TMEM132D: variants seen among roughly 807,000 people sequenced by gnomAD.
TMEM132D encodes mature OL transmembrane protein.
In TMEM132D, 21 loss-of-function variants were observed where a neutral mutation model predicts 62.3. That is an observed-to-expected ratio of 0.34 (90% CI 0.24 to 0.49). The LOEUF is 0.49. Ranked by LOEUF, TMEM132D falls within the 20% of genes least tolerant of loss-of-function variation. The pLI, the probability that TMEM132D is intolerant of heterozygous loss-of-function variation, is 0.99. For synonymous variants in TMEM132D, 621 were observed against 575.6 expected, an observed-to-expected ratio of 1.08 and a Z score of -1.13; for missense variants, 1,346 against 1,402.8, an observed-to-expected ratio of 0.96 and a Z score of 0.65.
At chr12:129,318,810 G>C (rs1868575851) in intron 4 of TMEM132D, among the ~76,000 whole-genome samples, 6 of 152,082 alleles carry the variant, frequency 3.9e-5, no homozygotes, top group Admixed American at 3.9e-4. Context: ...TGCTGCTATG[G>C]GGGATGGAGG....
chr12:129,363,062 T>C (rs1230989526), intron 3 of TMEM132D, among the ~76,000 whole-genome samples: 1 of 152,222 alleles, frequency 6.6e-6, no homozygotes, highest in Non-Finnish European at 1.5e-5. Flanking sequence ...CATCTTTGTT[T>C]ATTGTGTTAG....
intron 4 of TMEM132D, among the ~76,000 whole-genome samples, chr12:129,225,956 G>A (rs1312058402): frequency 2.0e-5 from 3 of 152,136 alleles, no homozygotes; most frequent in Non-Finnish European, 2.9e-5. Flanking sequence ...CAGGATCCCT[G>A]AGCACAAGCC....
In TMEM132D at chr12:129,539,792, G is replaced by A. The variant is rs75748716; in HGVS notation, c.969-8587C>T. On this transcript the variant is annotated intron_variant, in intron 2 of 8. Transcript: ENST00000422113. ...GATACTACTGTATATTAAACATGCT[G>A]CTTTGATCACAGATCACCCTGGTCT... Among the ~76,000 whole-genome samples the A allele has an allele frequency of 1.6e-3, 250 of 152,240 alleles. 1 individual carries two copies. Among genetic ancestry groups the A allele is most frequent in the African/African-American group, 5.6e-3 (231 of 41,550 alleles).
chr12:129,143,115 T>A (rs985495347), intron 5 of TMEM132D, among the ~76,000 whole-genome samples: 1 of 152,116 alleles, frequency 6.6e-6, no homozygotes, highest in African/African-American at 2.4e-5. Context: ...GGTTGAGGGC[T>A]CAGTCCCATA....
intron 1 of TMEM132D, among the ~76,000 whole-genome samples, chr12:129,749,463 C>CTTTTTT (rs67597510): frequency 7.0e-6 from 1 of 143,346 alleles, no homozygotes. Context: ...TGAAAAGAAT[C>CTTTTTT]TTTTTTTTTT....
At chr12:129,358,474 C>T (rs1011261274) in intron 3 of TMEM132D, among the ~76,000 whole-genome samples, 5 of 152,092 alleles carry the variant, frequency 3.3e-5, no homozygotes, top group African/African-American at 7.2e-5. Context: ...AAATTGGCCA[C>T]GGTGGAGTAT....
In TMEM132D at chr12:129,456,371, A is replaced by G. The variant is rs190155985; in HGVS notation, c.1115+74688T>C. 4.6e-5 allele frequency among the ~76,000 whole-genome samples: 7 copies of G among 152,214 alleles called. 1 individual carries two copies. Among genetic ancestry groups the G allele is most frequent in the Admixed American group, 2.6e-4 (4 of 15,284 alleles). ...TAATCCAGTGACCATGGCTGAGGAG[A>G]GAGAACAGATGGAAGTTGAGTCTCT... On this transcript the variant is annotated intron_variant, in intron 3 of 8. Coordinates refer to ENST00000422113, the MANE Select transcript of TMEM132D (RefSeq NM_133448.3).
chr12:129,268,779 C>T (rs1051555188), intron 4 of TMEM132D, among the ~76,000 whole-genome samples: 1 of 151,956 alleles, frequency 6.6e-6, no homozygotes, highest in African/African-American at 2.4e-5. Flanking sequence ...AAATGTCCAA[C>T]AATGAGAGAC....
chr12:129,532,951 G>GCTTTC (rs374390448), intron 2 of TMEM132D, among the ~76,000 whole-genome samples: 247 of 152,272 alleles, frequency 1.6e-3, no homozygotes, highest in African/African-American at 5.7e-3. Flanking sequence ...ACCATGCTTT[G>GCTTTC]CTTTCCTTGG....
chr12:129,843,604 T>C (rs945878110), intron 1 of TMEM132D, among the ~76,000 whole-genome samples: 2 of 152,208 alleles, frequency 1.3e-5, no homozygotes, highest in Admixed American at 1.3e-4. Context: ...GCTGACCTTG[T>C]ACGAGCGGAA....
chr12:129,595,829 C>A (rs1440996116), intron 2 of TMEM132D, among the ~76,000 whole-genome samples: 1 of 152,218 alleles, frequency 6.6e-6, no homozygotes, highest in East Asian at 1.9e-4. Flanking sequence ...CCTGCATGAG[C>A]CAGTTTCCAG....
chr12:129,150,554 G>T (rs1362103800), intron 5 of TMEM132D, among the ~76,000 whole-genome samples: 1 of 152,216 alleles, frequency 6.6e-6, no homozygotes, highest in Non-Finnish European at 1.5e-5. Flanking sequence ...CAGAAGAGGA[G>T]ACTGAGGCTT....
chr12:129,576,748 GT>G (rs1877672993), intron 2 of TMEM132D, among the ~76,000 whole-genome samples: 1 of 151,778 alleles, frequency 6.6e-6, no homozygotes, highest in South Asian at 2.1e-4. Context: ...CTGTTGATGG[GT>G]AGCCTCACCA....
At chr12:129,473,414 C>T (rs1323082121) in intron 3 of TMEM132D, among the ~76,000 whole-genome samples, 1 of 146,896 alleles carries the variant, frequency 6.8e-6, no homozygotes, top group African/African-American at 2.5e-5. Flanking sequence ...ACTGCAACCT[C>T]CACCTCCCAG....
intron 3 of TMEM132D, among the ~76,000 whole-genome samples, chr12:129,428,149 T>C (rs1021233068): frequency 6.6e-6 from 1 of 152,208 alleles, no homozygotes; most frequent in African/African-American, 2.4e-5. Flanking sequence ...TCAGAGGTGA[T>C]GTCCTAGAAA....
At chr12:129,593,662 T>C (rs1161214528) in intron 2 of TMEM132D, among the ~76,000 whole-genome samples, 1 of 152,196 alleles carries the variant, frequency 6.6e-6, no homozygotes, top group African/African-American at 2.4e-5. Context: ...AAGGCCCACC[T>C]TGGAGAGGAA....
At chr12:129,158,629 C>T (rs1226793285) in intron 5 of TMEM132D, among the ~76,000 whole-genome samples, 1 of 152,164 alleles carries the variant, frequency 6.6e-6, no homozygotes, top group African/African-American at 2.4e-5. Flanking sequence ...TAAAGGATAT[C>T]TGTCTTCAAG....
At chr12:129,442,538 AGAGTC>A (rs1232656522) in intron 3 of TMEM132D, among the ~76,000 whole-genome samples, 3 of 152,172 alleles carry the variant, frequency 2.0e-5, no homozygotes, top group African/African-American at 7.2e-5. Flanking sequence ...AGTGAGTGGT[AGAGTC>A]TTCTGAATAT....
chr12:129,603,623 T>C (rs7295079), intron 2 of TMEM132D, among the ~76,000 whole-genome samples: 7,416 of 152,212 alleles, frequency 0.049, 282 homozygotes, highest in South Asian at 0.11. Context: ...AATGAGATAC[T>C]ATCTCACACC....
Sources: gnomAD v4.1 joint callset for allele counts (sites outside exome capture counted in the v4.1 genomes callset) on GRCh38, gnomAD v4.1.1 for gene constraint, MANE v1.5 for transcripts, NCBI Gene and HGNC (gene_info 2026-07-23, HGNC 2026-07-21) for gene names.